Variants in SGK1 observed in about 807,000 individuals in gnomAD.
SGK1 encodes the protein serine/threonine-protein kinase Sgk1.
Under a neutral mutation model 64.2 loss-of-function variants are expected in SGK1, and 26 were observed. The ratio of observed to expected loss-of-function variants is 0.40; its 90% CI spans 0.30 to 0.56. The LOEUF (loss-of-function observed/expected upper bound fraction) is 0.56, where lower values mean the gene tolerates loss of function less well. Among genes scored for constraint, SGK1 ranks in the 20% least tolerant of loss-of-function variants. SGK1 has a pLI of 0.38. For synonymous variants in SGK1, 265 were observed against 239.7 expected, an observed-to-expected ratio of 1.11 and a Z score of -0.98; for missense variants, 519 against 645.6, an observed-to-expected ratio of 0.80 and a Z score of 2.12.
chr6:134,219,363 C>T (rs1267715063), intron 2 of SGK1, among the ~76,000 whole-genome samples: 1 of 152,096 alleles, frequency 6.6e-6, no homozygotes, highest in Non-Finnish European at 1.5e-5. Context: ...CACCCGTTTC[C>T]ACTTCGCCTA....
At chr6:134,186,810 GGGTTTTTTTTTT>G (rs903806817) in intron 3 of SGK1, among the ~76,000 whole-genome samples, 8 of 151,740 alleles carry the variant, frequency 5.3e-5, no homozygotes, top group Admixed American at 6.6e-5. Flanking sequence ...ATACACTTCT[GGGTTTTTTTTTT>G]GGTTTTTTTT....
chr6:134,248,943 T>C (rs1303360573), intron 2 of SGK1, among the ~76,000 whole-genome samples: 1 of 152,164 alleles, frequency 6.6e-6, no homozygotes, highest in Non-Finnish European at 1.5e-5. Flanking sequence ...TTTATTTTTT[T>C]CCTCCACAAG....
rs1484154404 is a variant in SGK1 at position 134,174,796 on chromosome 6, T to A, written c.362-210A>T. 2.5e-6 allele frequency: 4 copies of A among 1,614,094 alleles called. No individual in the cohort carries two copies. In the South Asian group the frequency reaches 4.4e-5, roughly 18 times the overall value. On this transcript the variant is annotated intron_variant, in intron 3 of 13. Transcript: ENST00000367858. ...TGAGGGTGCCCTTAGCAGCCTCAGT[T>A]TTCACCGTCATCACCACCGCGGGGA...
At chr6:134,204,224 AT>A (rs1437729341) in intron 3 of SGK1, among the ~76,000 whole-genome samples, 1 of 11,014 alleles carries the variant, frequency 9.1e-5, no homozygotes, top group Non-Finnish European at 2.4e-4. Flanking sequence ...TAGGCAAAAA[AT>A]AAATAAATAA....
intron 2 of SGK1, among the ~76,000 whole-genome samples, chr6:134,214,043 A>G (rs1029181350): frequency 6.6e-6 from 1 of 152,122 alleles, no homozygotes; most frequent in Non-Finnish European, 1.5e-5. Context: ...AATATTTTAA[A>G]TCAAGTCTCA....
At chr6:134,308,313 C>A (rs1777564464) in intron 1 of SGK1, among the ~76,000 whole-genome samples, 1 of 152,212 alleles carries the variant, frequency 6.6e-6, no homozygotes, top group Non-Finnish European at 1.5e-5. Flanking sequence ...TATTAACTTT[C>A]ATTTTTCCCC....
At chr6:134,182,508 AGG>A (rs1233418985) in intron 3 of SGK1, among the ~76,000 whole-genome samples, 3 of 151,736 alleles carry the variant, frequency 2.0e-5, no homozygotes, top group Non-Finnish European at 4.4e-5. Flanking sequence ...AAAAAAAAAA[AGG>A]AAATAAAGAA....
chr6:134,215,587 C>T (rs1044025430), intron 2 of SGK1, among the ~76,000 whole-genome samples: 3 of 152,012 alleles, frequency 2.0e-5, no homozygotes, highest in African/African-American at 7.2e-5. Flanking sequence ...AATATTACTC[C>T]AGGCAGTGAG....
At chr6:134,232,278 G>A (rs894845548) in intron 2 of SGK1, among the ~76,000 whole-genome samples, 2 of 149,014 alleles carry the variant, frequency 1.3e-5, no homozygotes, top group Admixed American at 6.7e-5. Flanking sequence ...CCAGCTATTC[G>A]GGAGGTTGAG....
chr6:134,234,774 G>A (rs1776338074), intron 2 of SGK1, among the ~76,000 whole-genome samples: 1 of 152,218 alleles, frequency 6.6e-6, no homozygotes, highest in Non-Finnish European at 1.5e-5. Flanking sequence ...TACTCAGGAG[G>A]CTGAGGCAGG....
chr6:134,192,967 C>G (rs549548950), intron 3 of SGK1, among the ~76,000 whole-genome samples: 1 of 152,260 alleles, frequency 6.6e-6, no homozygotes, highest in African/African-American at 2.4e-5. Flanking sequence ...GGCCTATTTT[C>G]CTTACTATGT....
In SGK1 at chr6:134,242,485, C is replaced by CA. The variant is rs879620441; in HGVS notation, c.285+19447dup. ...TGGGCAACAGAGTGAGACTCCGTCT[C>CA]AAAAAAAAAAAAGAATTAGGAATAA... is the stretch of plus-strand genomic sequence containing the variant. On this transcript the variant is annotated intron_variant, in intron 2 of 13. Coordinates refer to ENST00000367858, the MANE Select transcript of SGK1 (RefSeq NM_001143676.3). Among the ~76,000 whole-genome samples the CA allele has an allele frequency of 4.3e-3, 552 of 129,630 alleles. 2 individuals are homozygous for CA. Among genetic ancestry groups the CA allele is most frequent in the African/African-American group, 8.1e-3 (293 of 36,114 alleles). 85.0% of individuals were successfully genotyped at this position (129,630 alleles called of 152,430 possible).
At chr6:134,299,444 C>T (rs1256767129) in intron 1 of SGK1, among the ~76,000 whole-genome samples, 2 of 152,128 alleles carry the variant, frequency 1.3e-5, no homozygotes, top group East Asian at 3.9e-4. Context: ...GCTCTGGAAA[C>T]ATATGCAGAA....
intron 1 of SGK1, among the ~76,000 whole-genome samples, chr6:134,316,572 G>A (rs1193983404): frequency 6.6e-6 from 1 of 151,912 alleles, no homozygotes; most frequent in Non-Finnish European, 1.5e-5. Context: ...CCATCCCAGT[G>A]AACTGAGTTT....
intron 10 of SGK1, 33 bp downstream of exon 10, chr6:134,172,160 G>GT: frequency 6.2e-7 from 1 of 1,608,262 alleles, no homozygotes. Flanking sequence ...GAAGGCGGGG[G>GT]TAAACCAGGC....
intron 3 of SGK1, among the ~76,000 whole-genome samples, chr6:134,201,855 TAGAA>T (rs1207239124): frequency 6.6e-6 from 1 of 152,142 alleles, no homozygotes; most frequent in Admixed American, 6.6e-5. Flanking sequence ...TCAAGGCAGT[TAGAA>T]AGAGTTTCCA....
chr6:134,222,595 C>A (rs2114703713), intron 2 of SGK1, among the ~76,000 whole-genome samples: 1 of 152,222 alleles, frequency 6.6e-6, no homozygotes, highest in South Asian at 2.1e-4. Context: ...CTCATCCTCG[C>A]AAAGTGCTGG....
chr6:134,297,953 G>T (rs911803367), intron 1 of SGK1: 5 of 807,018 alleles, frequency 6.2e-6, no homozygotes, highest in Admixed American at 3.4e-5. Context: ...TGATGATGCC[G>T]TCCATGTCCG....
At chr6:134,294,862 C>A (rs1777322096) in intron 1 of SGK1, among the ~76,000 whole-genome samples, 1 of 152,198 alleles carries the variant, frequency 6.6e-6, no homozygotes, top group East Asian at 1.9e-4. Flanking sequence ...ATAACAAAGT[C>A]TAGAGGAAAG....
Sources: allele counts gnomAD v4.1 joint callset (sites outside exome capture counted in the v4.1 genomes callset), GRCh38; gene constraint gnomAD v4.1.1; transcripts MANE v1.5; gene names NCBI Gene and HGNC (gene_info 2026-07-23, HGNC 2026-07-21).